KCNQ5: variants seen among roughly 807,000 people sequenced by gnomAD.
KCNQ5 encodes the protein potassium voltage-gated channel subfamily Q member 5, also known as potassium voltage-gated channel subfamily KQT member 5.
Under a neutral mutation model 98.2 loss-of-function variants are expected in KCNQ5, and 30 were observed. The ratio of observed to expected loss-of-function variants is 0.31; its 90% CI spans 0.23 to 0.41. The LOEUF (loss-of-function observed/expected upper bound fraction) is 0.41, where lower values mean the gene tolerates loss of function less well. KCNQ5 is among the 10% of genes least tolerant of loss of function. The probability of loss-of-function intolerance (pLI) is 1.00; values close to 1 mark genes in which losing one functional copy is unlikely to be tolerated. For missense variants in KCNQ5, 835 were observed against 1,182.5 expected, an observed-to-expected ratio of 0.71 and a Z score of 4.31; for synonymous variants, 458 against 449.4, an observed-to-expected ratio of 1.02 and a Z score of -0.24.
At chr6:72,807,427 A>C (rs1714439523) in intron 1 of KCNQ5, among the ~76,000 whole-genome samples, 1 of 152,226 alleles carries the variant, frequency 6.6e-6, no homozygotes, top group African/African-American at 2.4e-5. Context: ...TTTAATTATC[A>C]TCTAAAATCA....
chr6:73,043,177 G>A (rs1031512010), intron 3 of KCNQ5: 3 of 433,830 alleles, frequency 6.9e-6, no homozygotes, highest in African/African-American at 6.1e-5. Flanking sequence ...CATGGGCACT[G>A]TTAAGAAGAA....
chr6:72,876,481 A>G (rs1428997949), intron 1 of KCNQ5, among the ~76,000 whole-genome samples: 1 of 152,188 alleles, frequency 6.6e-6, no homozygotes, highest in Non-Finnish European at 1.5e-5. Context: ...CAATAAGCCT[A>G]AGTGGATAGT....
chr6:73,073,025 G>T (rs1300741143), intron 3 of KCNQ5, among the ~76,000 whole-genome samples: 2 of 151,954 alleles, frequency 1.3e-5, no homozygotes. Flanking sequence ...TTTTATTTCT[G>T]CTTTCTCCTC....
At chr6:73,057,506 T>G (rs1772575046) in intron 3 of KCNQ5, among the ~76,000 whole-genome samples, 1 of 151,350 alleles carries the variant, frequency 6.6e-6, no homozygotes, top group South Asian at 2.1e-4. Context: ...AAATAAAAAT[T>G]TAAAAAATGA....
chr6:73,087,990 C>T (rs560635227), intron 5 of KCNQ5, among the ~76,000 whole-genome samples: 43 of 150,302 alleles, frequency 2.9e-4, no homozygotes, highest in South Asian at 1.3e-3. Flanking sequence ...TCTCAATGCT[C>T]ATTGTCCTTG....
chr6:72,953,681 C>T (rs1766910228), intron 1 of KCNQ5, among the ~76,000 whole-genome samples: 1 of 152,120 alleles, frequency 6.6e-6, no homozygotes, highest in Non-Finnish European at 1.5e-5. Flanking sequence ...CTTCAAGAAA[C>T]ATGAAGAGGT....
At chr6:72,880,294 G>T (rs1292844008) in intron 1 of KCNQ5, among the ~76,000 whole-genome samples, 1 of 152,218 alleles carries the variant, frequency 6.6e-6, no homozygotes, top group Admixed American at 6.5e-5. Flanking sequence ...CAGATTCAGT[G>T]TCTGGCAAAC....
chr6:73,036,895 A>G lies in KCNQ5; in HGVS notation c.490-5041A>G, dbSNP rs568352793. On this transcript the variant is annotated intron_variant, in intron 2 of 13. Transcript: ENST00000370398. ...ACAATTGCTGAGTCATATGGTAACTATATGTCCAGTTTTATAAGAAACGAC... is the reference window on the plus strand; with the variant it reads ...ACAATTGCTGAGTCATATGGTAACTGTATGTCCAGTTTTATAAGAAACGAC... 2.6e-5 allele frequency among the ~76,000 whole-genome samples: 4 copies of G among 152,310 alleles called. No homozygotes were observed. The South Asian group carries it at 6.2e-4, about 24-fold the overall frequency.
chr6:72,866,111 C>G (rs1777967669), intron 1 of KCNQ5, among the ~76,000 whole-genome samples: 1 of 152,024 alleles, frequency 6.6e-6, no homozygotes, highest in African/African-American at 2.4e-5. Flanking sequence ...AGATAACTTG[C>G]CCAGAGGTCA....
chr6:72,744,808 T>TA (rs1161421933), intron 1 of KCNQ5, among the ~76,000 whole-genome samples: 56 of 140,686 alleles, frequency 4.0e-4, no homozygotes, highest in South Asian at 1.1e-3. Flanking sequence ...AGACTCCGTC[T>TA]AAAAAAAAAA....
chr6:73,164,353 A>G (rs1489263398), intron 10 of KCNQ5, among the ~76,000 whole-genome samples: 1 of 152,144 alleles, frequency 6.6e-6, no homozygotes, highest in African/African-American at 2.4e-5. Flanking sequence ...TTTCCTATTC[A>G]TTTGCTCTAA....
chr6:73,157,452 A>C (rs549396079), intron 10 of KCNQ5: 50 of 675,980 alleles, frequency 7.4e-5, no homozygotes, highest in Non-Finnish European at 1.2e-4. Flanking sequence ...GTGGGAGCTC[A>C]GGGCGCCTGT....
At chr6:72,699,224 C>G (rs990906930) in intron 1 of KCNQ5, among the ~76,000 whole-genome samples, 1 of 152,058 alleles carries the variant, frequency 6.6e-6, no homozygotes, top group Non-Finnish European at 1.5e-5. Context: ...TCCAGATTCT[C>G]TTTTAGGGAA....
intron 5 of KCNQ5, among the ~76,000 whole-genome samples, chr6:73,092,777 G>T (rs9442884): frequency 0.88 from 133,781 of 152,144 alleles, 59,366 homozygotes; most frequent in South Asian, 0.96. Context: ...GATCATGGTG[G>T]ATTATCTTTT....
At chr6:72,984,191 G>A (rs1045774887) in intron 1 of KCNQ5, among the ~76,000 whole-genome samples, 4 of 152,228 alleles carry the variant, frequency 2.6e-5, no homozygotes, top group African/African-American at 9.6e-5. Context: ...GAGGCAGTGT[G>A]TCCATTCTCA....
chr6:72,886,565 A>G (rs1384450155), intron 1 of KCNQ5, among the ~76,000 whole-genome samples: 1 of 152,178 alleles, frequency 6.6e-6, no homozygotes, highest in Non-Finnish European at 1.5e-5. Flanking sequence ...GAGAAACAGC[A>G]GTTATCCAGT....
intron 1 of KCNQ5, among the ~76,000 whole-genome samples, chr6:73,003,527 C>A (rs1053503780): frequency 6.6e-6 from 1 of 152,034 alleles, no homozygotes; most frequent in Non-Finnish European, 1.5e-5. Context: ...CTCCTTTGAA[C>A]GAAGAGTGAC....
intron 2 of KCNQ5, among the ~76,000 whole-genome samples, chr6:73,032,970 A>G (rs1478521165): frequency 3.9e-5 from 6 of 152,098 alleles, no homozygotes; most frequent in South Asian, 2.1e-4. Flanking sequence ...CTTACAGAAC[A>G]TAAAACGTAA....
At chr6:72,692,306 G>A (rs1419451034) in intron 1 of KCNQ5, among the ~76,000 whole-genome samples, 1 of 152,208 alleles carries the variant, frequency 6.6e-6, no homozygotes. Flanking sequence ...AGCACAGAGT[G>A]AGAAACATTC....
Sources: allele counts gnomAD v4.1 joint callset (sites outside exome capture counted in the v4.1 genomes callset), GRCh38; gene constraint gnomAD v4.1.1; transcripts MANE v1.5; gene names NCBI Gene and HGNC (gene_info 2026-07-23, HGNC 2026-07-21).